ERBB4: variants seen among roughly 807,000 people sequenced by gnomAD.
ERBB4 encodes the protein erb-b2 receptor tyrosine kinase 4.
A neutral mutation model predicts 158.0 loss-of-function variants in ERBB4; 42 were observed. That is an observed-to-expected ratio of 0.27 (90% CI 0.21 to 0.34). ERBB4 has a LOEUF of 0.34. ERBB4 is among the 10% of genes least tolerant of loss of function. The pLI is 1.00. For missense variants in ERBB4, 1,333 were observed against 1,624.1 expected, an observed-to-expected ratio of 0.82 and a Z score of 3.08; for synonymous variants, 583 against 558.7, an observed-to-expected ratio of 1.04 and a Z score of -0.61.
intron 2 of ERBB4, among the ~76,000 whole-genome samples, chr2:212,007,315 T>TA (rs2076282083): frequency 6.6e-6 from 1 of 151,812 alleles, no homozygotes; most frequent in South Asian, 2.1e-4. Context: ...ATTACTGTCT[T>TA]AAAATTATCA....
intron 3 of ERBB4, among the ~76,000 whole-genome samples, chr2:211,942,701 C>T (rs563611015): frequency 2.0e-5 from 3 of 152,044 alleles, no homozygotes; most frequent in South Asian, 2.1e-4. Context: ...TTACAATGTC[C>T]GTAAAATATC....
chr2:212,519,886 T>A (rs1001311796), intron 1 of ERBB4, among the ~76,000 whole-genome samples: 1 of 151,986 alleles, frequency 6.6e-6, no homozygotes. Context: ...TAATTTATTG[T>A]ATATTTTCAA....
chr2:211,741,774 T>A (rs1325553869), intron 5 of ERBB4, among the ~76,000 whole-genome samples: 1 of 152,210 alleles, frequency 6.6e-6, no homozygotes, highest in Admixed American at 6.5e-5. Flanking sequence ...CAGAGTATTT[T>A]AAATATATAC....
intron 19 of ERBB4, among the ~76,000 whole-genome samples, chr2:211,562,838 C>T (rs2125724722): frequency 7.2e-6 from 1 of 138,360 alleles, no homozygotes; most frequent in South Asian, 2.2e-4. Context: ...GTGGCGGGAT[C>T]TCGGCTCACT....
At chr2:212,101,151 T>C in intron 2 of ERBB4, among the ~76,000 whole-genome samples, 1 of 151,918 alleles carries the variant, frequency 6.6e-6, no homozygotes, top group East Asian at 1.9e-4. Flanking sequence ...GTTATGATCT[T>C]GCATTAATGT....
intron 1 of ERBB4, among the ~76,000 whole-genome samples, chr2:212,359,266 GTA>G (rs995877186): frequency 6.6e-6 from 1 of 151,096 alleles, no homozygotes; most frequent in Non-Finnish European, 1.5e-5. Context: ...TTAAAAACTT[GTA>G]TATATATACA....
At chr2:212,391,735 C>A (rs1457848493) in intron 1 of ERBB4, among the ~76,000 whole-genome samples, 2 of 132,778 alleles carry the variant, frequency 1.5e-5, no homozygotes, top group Non-Finnish European at 3.1e-5. Flanking sequence ...ATATATATGA[C>A]ATATATATTA....
Position 211,915,435 on chromosome 2 carries a change from T to TTATATATA in ERBB4, c.421+31994_421+31995insTATATATA, listed in dbSNP as rs1289522405. ...AAGGCAAACTAACAGAGTTCAAACA[T>TTATATATA]TACATATATATATATATATATCTCC... On this transcript the variant is annotated intron_variant, in intron 3 of 27. Transcript: ENST00000342788. 2.4e-3 allele frequency among the ~76,000 whole-genome samples: 329 copies of TTATATATA among 135,520 alleles called. 2 individuals carry two copies. Among genetic ancestry groups the TTATATATA allele is most frequent in the African/African-American group, 7.9e-3 (240 of 30,492 alleles). 88.9% of individuals were successfully genotyped at this position (135,520 alleles called of 152,430 possible).
At chr2:211,650,036 G>A (rs1422993760) in intron 16 of ERBB4, among the ~76,000 whole-genome samples, 2 of 151,786 alleles carry the variant, frequency 1.3e-5, no homozygotes, top group African/African-American at 2.4e-5. Context: ...CATGAAGAGA[G>A]CAATTTGAAT....
chr2:212,010,180 A>G (rs1310196909), intron 2 of ERBB4, among the ~76,000 whole-genome samples: 1 of 152,096 alleles, frequency 6.6e-6, no homozygotes, highest in Non-Finnish European at 1.5e-5. Flanking sequence ...AGGATTTATC[A>G]CAAAGCTATA....
chr2:211,414,956 A>T (rs1003606412), intron 25 of ERBB4, among the ~76,000 whole-genome samples: 4 of 152,074 alleles, frequency 2.6e-5, no homozygotes, highest in African/African-American at 9.7e-5. Flanking sequence ...TATTTAATTT[A>T]AATCACTTAG....
At chr2:212,225,387 T>C (rs2083438625) in intron 1 of ERBB4, among the ~76,000 whole-genome samples, 1 of 152,060 alleles carries the variant, frequency 6.6e-6, no homozygotes, top group Non-Finnish European at 1.5e-5. Context: ...ACCATTTACA[T>C]GAGGCTGGAA....
chr2:211,453,807 A>G (rs2064308735), intron 20 of ERBB4, among the ~76,000 whole-genome samples: 1 of 152,200 alleles, frequency 6.6e-6, no homozygotes, highest in Non-Finnish European at 1.5e-5. Flanking sequence ...TGTTTTGTAG[A>G]AAGTTGTTTG....
At chr2:211,781,463 G>A (rs111422671) in intron 4 of ERBB4, among the ~76,000 whole-genome samples, 14 of 152,196 alleles carry the variant, frequency 9.2e-5, no homozygotes, top group African/African-American at 3.1e-4. Flanking sequence ...TGTACCTGGC[G>A]TAATCAAAGA....
chr2:212,399,570 A>G (rs2091137995), intron 1 of ERBB4, among the ~76,000 whole-genome samples: 1 of 25,968 alleles, frequency 3.9e-5, no homozygotes, highest in Non-Finnish European at 7.5e-5. Flanking sequence ...ATATATATAT[A>G]TATATATATA....
chr2:212,390,538 C>T (rs774739364), intron 1 of ERBB4, among the ~76,000 whole-genome samples: 1 of 151,634 alleles, frequency 6.6e-6, no homozygotes, highest in Non-Finnish European at 1.5e-5. Context: ...TTATATTGCT[C>T]AAATACCACT....
At chr2:211,421,733 A>G (rs1422322089) in intron 24 of ERBB4, among the ~76,000 whole-genome samples, 2 of 144,218 alleles carry the variant, frequency 1.4e-5, no homozygotes, top group Non-Finnish European at 3.2e-5. Flanking sequence ...AGGTGCTAAA[A>G]TAAGTGTCTG....
chr2:211,980,755 G>C (rs1379406722), intron 2 of ERBB4, among the ~76,000 whole-genome samples: 1 of 152,094 alleles, frequency 6.6e-6, no homozygotes. Flanking sequence ...ATGTTATGCA[G>C]ATTTTGAAGG....
intron 21 of ERBB4, 24 bp downstream of exon 21, chr2:211,430,921 G>GATTGCTCTC: frequency 6.3e-7 from 1 of 1,588,084 alleles, no homozygotes; most frequent in South Asian, 1.1e-5. Flanking sequence ...TTTCAAGCAA[G>GATTGCTCTC]ATTGCTCTCA....
Sources: allele counts gnomAD v4.1 joint callset (sites outside exome capture counted in the v4.1 genomes callset), GRCh38; gene constraint gnomAD v4.1.1; transcripts MANE v1.5; gene names NCBI Gene and HGNC (gene_info 2026-07-23, HGNC 2026-07-21).